ODAD2: variants seen among roughly 807,000 people sequenced by gnomAD.
ODAD2 encodes outer dynein arm docking complex subunit 2.
Under a neutral mutation model 106.8 loss-of-function variants are expected in ODAD2, and 89 were observed. That is an observed-to-expected ratio of 0.83 (90% CI 0.70 to 0.99). The LOEUF is 0.99. ODAD2 is among the 50% of genes least tolerant of loss of function. ODAD2 has a pLI of 0.00. For synonymous variants in ODAD2, 404 were observed against 436.2 expected (o/e 0.93, Z 0.92); for missense variants, 1,168 against 1,238.5 (o/e 0.94, Z 0.85).
chr10:27,889,488 G>A (rs1287726083), intron 17 of ODAD2, among the ~76,000 whole-genome samples: 9 of 152,220 alleles, frequency 5.9e-5, no homozygotes, highest in African/African-American at 2.2e-4. Flanking sequence ...AAGAAAGCTG[G>A]GTGGCCAGGC....
At chr10:27,914,020 A>C (rs1844191977) in intron 16 of ODAD2, among the ~76,000 whole-genome samples, 1 of 152,174 alleles carries the variant, frequency 6.6e-6, no homozygotes, top group Admixed American at 6.6e-5. Context: ...TACCATAAAC[A>C]TACATGCAGG....
At chr10:27,824,138 CAAAAAAA>C (rs71388934) in intron 19 of ODAD2, among the ~76,000 whole-genome samples, 11 of 33,124 alleles carry the variant, frequency 3.3e-4, no homozygotes, top group Middle Eastern at 0.016. Flanking sequence ...GACTCCGTCT[CAAAAAAA>C]AAAAAAAAAA....
In ODAD2 at chr10:27,935,214, A is replaced by G; in HGVS notation, c.2291T>C (p.Leu764Pro). 6.2e-7 allele frequency: 1 copy of G among 1,613,994 alleles called. No homozygotes were observed. Among genetic ancestry groups the G allele is most frequent in the Non-Finnish European group, 8.5e-7 (1 of 1,179,866 alleles). ...EYKAIETLVG[L>P]LTDQPEEVLV... ...TACTTCTTCAGGCTGATCTGTTAGA[A>G]GTCCCACCAAGGTTTCAATGGCTTT... Residue 764 changes from leucine (L) to proline (P), a missense_variant, in exon 16 of 20, where the codon CTT becomes CCT. Leu to Pro is a moderately conservative substitution (Grantham distance 98). This residue lies in a region of ODAD2 where 701 missense variants were observed against 712.3 expected (regional missense o/e 0.98). Coordinates refer to ENST00000305242, the MANE Select transcript of ODAD2 (RefSeq NM_018076.5).
intron 9 of ODAD2, among the ~76,000 whole-genome samples, chr10:27,963,549 T>C (rs1209703605): frequency 1.3e-5 from 2 of 152,102 alleles, no homozygotes; most frequent in African/African-American, 2.4e-5. Flanking sequence ...TCCACAATAC[T>C]TTTCCTCTAA....
chr10:27,977,617 G>A (rs1849280043), intron 7 of ODAD2, among the ~76,000 whole-genome samples: 1 of 151,774 alleles, frequency 6.6e-6, no homozygotes, highest in African/African-American at 2.4e-5. Flanking sequence ...GACCCAGATT[G>A]GGATGAAATA....
chr10:27,820,168 G>A (rs899317314), intron 19 of ODAD2, among the ~76,000 whole-genome samples: 11 of 152,028 alleles, frequency 7.2e-5, no homozygotes, highest in Admixed American at 2.0e-4. Context: ...CTGCCTTGTC[G>A]CTGGCTGACC....
At chr10:27,815,883 C>G (rs375022745) in intron 19 of ODAD2, among the ~76,000 whole-genome samples, 2 of 152,202 alleles carry the variant, frequency 1.3e-5, no homozygotes, top group Non-Finnish European at 2.9e-5. Flanking sequence ...ACTTCTTAGC[C>G]ATCTCCACTT....
intron 6 of ODAD2, among the ~76,000 whole-genome samples, chr10:27,982,386 G>A (rs1401488717): frequency 6.6e-6 from 1 of 152,154 alleles, no homozygotes; most frequent in East Asian, 1.9e-4. Flanking sequence ...TAAGTTATAT[G>A]TATGTAGATC....
chr10:27,847,409 C>T (rs570348654), intron 19 of ODAD2, among the ~76,000 whole-genome samples: 38 of 152,262 alleles, frequency 2.5e-4, no homozygotes, highest in Admixed American at 5.9e-4. Flanking sequence ...AATTAGGTAT[C>T]GATGGGACGT....
At chr10:27,885,328 G>A (rs1483003855) in intron 17 of ODAD2, among the ~76,000 whole-genome samples, 2 of 148,462 alleles carry the variant, frequency 1.3e-5, no homozygotes, top group Non-Finnish European at 3.0e-5. Context: ...TGGCCAACGT[G>A]GTGAAACCCT....
rs1849206892 is a variant in ODAD2 at position 27,976,621 on chromosome 10, A to G, written c.936+4845T>C. Among the ~76,000 whole-genome samples the G allele has an allele frequency of 3.3e-5, 5 of 152,176 alleles. No individual in the cohort carries two copies. The South Asian group carries it at 1.0e-3, about 31-fold the overall frequency. On this transcript the variant is annotated intron_variant, in intron 7 of 19. Coordinates refer to ENST00000305242, the MANE Select transcript of ODAD2 (RefSeq NM_018076.5). ...AAGACCTAAATAAATGGAGAGACAT[A>G]CTATGTTCATGGATTAGAAAATTCA...
intron 19 of ODAD2, among the ~76,000 whole-genome samples, chr10:27,848,287 T>C (rs1838949416): frequency 6.6e-6 from 1 of 152,208 alleles, no homozygotes. Flanking sequence ...AACCATCTGA[T>C]CTTTGACAAA....
At chr10:27,988,485 T>C (rs965651069) in intron 2 of ODAD2, among the ~76,000 whole-genome samples, 11 of 151,784 alleles carry the variant, frequency 7.2e-5, no homozygotes, top group African/African-American at 2.7e-4. Flanking sequence ...TAGAGGCACA[T>C]GCCACCATGC....
At chr10:27,934,951 C>G (rs1201238903) in intron 16 of ODAD2, 59 bp downstream of exon 16, 1 of 1,585,142 alleles carries the variant, frequency 6.3e-7, no homozygotes, top group African/African-American at 1.3e-5. Flanking sequence ...TATTCTGTGA[C>G]CTCCCAAGTG....
At chr10:27,875,946 T>TGCTA (rs1841307588) in intron 17 of ODAD2, among the ~76,000 whole-genome samples, 1 of 152,142 alleles carries the variant, frequency 6.6e-6, no homozygotes, top group Admixed American at 6.5e-5. Context: ...CCTCGCTCAT[T>TGCTA]GCTAGCACAG....
At chr10:27,828,706 C>A (rs894147191) in intron 19 of ODAD2, among the ~76,000 whole-genome samples, 5 of 152,102 alleles carry the variant, frequency 3.3e-5, no homozygotes, top group Non-Finnish European at 7.4e-5. Flanking sequence ...TATAAAGAAG[C>A]TTTCCATGAA....
intron 10 of ODAD2, among the ~76,000 whole-genome samples, chr10:27,950,073 A>G (rs987268926): frequency 6.6e-6 from 1 of 152,118 alleles, no homozygotes; most frequent in Non-Finnish European, 1.5e-5. Context: ...TCCATCTGCA[A>G]TCAAGAAGCA....
chr10:27,842,137 C>T (rs978778688), intron 19 of ODAD2, among the ~76,000 whole-genome samples: 2 of 152,154 alleles, frequency 1.3e-5, no homozygotes, highest in African/African-American at 4.8e-5. Flanking sequence ...CTTCATTAGT[C>T]TTCATTTGAC....
intron 17 of ODAD2, chr10:27,904,331 TG>T: frequency 3.2e-6 from 1 of 314,452 alleles, no homozygotes; most frequent in South Asian, 3.3e-5. Context: ...CATGGCGTCA[TG>T]GCAGGAAGCA....
Sources: gnomAD v4.1 joint callset for allele counts (sites outside exome capture counted in the v4.1 genomes callset) on GRCh38, gnomAD v4.1.1 for gene constraint, gnomAD v4.1.1 regional missense constraint, MANE v1.5 for transcripts, NCBI Gene and HGNC (gene_info 2026-07-23, HGNC 2026-07-21) for gene names.